LRFN5: variants seen among roughly 807,000 people sequenced by gnomAD.
LRFN5 encodes leucine-rich repeat and fibronectin type-III domain-containing protein 5.
Under a neutral mutation model 45.6 loss-of-function variants are expected in LRFN5, and 24 were observed. The observed-to-expected ratio is 0.53, with a 90% CI of 0.38 to 0.74. The LOEUF (loss-of-function observed/expected upper bound fraction) is 0.74, where lower values mean the gene tolerates loss of function less well. LRFN5 is among the 30% of genes least tolerant of loss of function. The pLI, the probability that LRFN5 is intolerant of heterozygous loss-of-function variation, is 0.00. For missense variants in LRFN5, 776 were observed against 861.5 expected (o/e 0.90, Z 1.24); for synonymous variants, 340 against 313.8 (o/e 1.08, Z -0.88).
At chr14:41,755,727 A>G (rs745361134) in intron 1 of LRFN5, among the ~76,000 whole-genome samples, 7 of 152,182 alleles carry the variant, frequency 4.6e-5, no homozygotes, top group Non-Finnish European at 8.8e-5. Flanking sequence ...CCAATTTGCC[A>G]GTCTGTGTCT....
chr14:41,896,416 A>T (rs889878292), intron 4 of LRFN5, among the ~76,000 whole-genome samples: 2 of 152,178 alleles, frequency 1.3e-5, no homozygotes, highest in African/African-American at 4.8e-5. Flanking sequence ...TTAACAATGT[A>T]TGCTTCTGTG....
Position 41,691,420 on chromosome 14 carries a change from A to G in LRFN5, c.-196-75434A>G, listed in dbSNP as rs556907538. Among the ~76,000 whole-genome samples the G allele has an allele frequency of 3.3e-5, 5 of 152,148 alleles. No individual in the cohort carries two copies. In the South Asian group the frequency reaches 1.0e-3, roughly 32 times the overall value. On this transcript the variant is annotated intron_variant, in intron 1 of 5. Coordinates refer to ENST00000298119, the MANE Select transcript of LRFN5 (RefSeq NM_152447.5). Reference sequence around the variant, plus strand: ...GTTGTCTGTTATTATTTCTAACTCAACTTTACAGTTGTCAGAAAACAAACT... The same window carrying G: ...GTTGTCTGTTATTATTTCTAACTCAGCTTTACAGTTGTCAGAAAACAAACT...
intron 1 of LRFN5, among the ~76,000 whole-genome samples, chr14:41,642,331 C>T (rs1422284841): frequency 6.6e-6 from 1 of 152,170 alleles, no homozygotes; most frequent in African/African-American, 2.4e-5. Context: ...CTGAATTCCA[C>T]TCTTTCTCAG....
chr14:41,889,716 A>T (rs562374400), intron 3 of LRFN5, among the ~76,000 whole-genome samples: 85 of 152,328 alleles, frequency 5.6e-4, no homozygotes, highest in Non-Finnish European at 1.1e-3. Flanking sequence ...CATTGTAAAG[A>T]TTAAATTTTA....
chr14:41,696,850 G>C (rs542426602), intron 1 of LRFN5, among the ~76,000 whole-genome samples: 1 of 151,868 alleles, frequency 6.6e-6, no homozygotes, highest in South Asian at 2.1e-4. Context: ...TGAACCTGTA[G>C]GCCATTTGTA....
At chr14:41,819,350 A>G (rs1214127693) in intron 2 of LRFN5, among the ~76,000 whole-genome samples, 1 of 152,252 alleles carries the variant, frequency 6.6e-6, no homozygotes, top group East Asian at 1.9e-4. Context: ...CCAATAATGT[A>G]TAAGTGTTCC....
At chr14:41,858,850 C>A (rs779071475) in intron 2 of LRFN5, among the ~76,000 whole-genome samples, 2 of 152,144 alleles carry the variant, frequency 1.3e-5, no homozygotes, top group Non-Finnish European at 2.9e-5. Flanking sequence ...GGCATTTCAT[C>A]TGGTTTACTC....
chr14:41,801,601 T>C (rs1373761738), intron 2 of LRFN5, among the ~76,000 whole-genome samples: 2 of 152,192 alleles, frequency 1.3e-5, no homozygotes, highest in Non-Finnish European at 2.9e-5. Context: ...TATGCCTGTT[T>C]ACTTCTCTAC....
intron 2 of LRFN5, among the ~76,000 whole-genome samples, chr14:41,810,431 C>T (rs1394024515): frequency 6.6e-6 from 1 of 151,992 alleles, no homozygotes. Flanking sequence ...TTCTAAAAGC[C>T]TTGCTAGTAA....
At chr14:41,803,939 C>T (rs1324567736) in intron 2 of LRFN5, among the ~76,000 whole-genome samples, 2 of 152,192 alleles carry the variant, frequency 1.3e-5, no homozygotes, top group African/African-American at 4.8e-5. Flanking sequence ...TCTAGGCTCA[C>T]TGCAACCTCT....
At chr14:41,797,252 A>G (rs982713713) in intron 2 of LRFN5, among the ~76,000 whole-genome samples, 1 of 151,760 alleles carries the variant, frequency 6.6e-6, no homozygotes, top group East Asian at 1.9e-4. Flanking sequence ...GAAATTATTT[A>G]TTTATTTGGG....
chr14:41,715,943 G>A (rs965976587), intron 1 of LRFN5, among the ~76,000 whole-genome samples: 17 of 151,428 alleles, frequency 1.1e-4, no homozygotes, highest in African/African-American at 3.4e-4. Flanking sequence ...GCATTCAGGC[G>A]TTTCCATACA....
intron 2 of LRFN5, among the ~76,000 whole-genome samples, chr14:41,853,524 T>G (rs1483359732): frequency 6.6e-6 from 1 of 152,046 alleles, no homozygotes; most frequent in Non-Finnish European, 1.5e-5. Flanking sequence ...TTTTAGTCCC[T>G]GAGATGGGGA....
chr14:41,648,538 A>T (rs574323367), intron 1 of LRFN5, among the ~76,000 whole-genome samples: 4 of 152,324 alleles, frequency 2.6e-5, no homozygotes, highest in Non-Finnish European at 5.9e-5. Flanking sequence ...AAAATACCTT[A>T]AAACATTAAA....
At chr14:41,615,202 T>C (rs1887890506) in intron 1 of LRFN5, among the ~76,000 whole-genome samples, 2 of 152,160 alleles carry the variant, frequency 1.3e-5, no homozygotes, top group African/African-American at 2.4e-5. Flanking sequence ...TGAGTAACTT[T>C]AGTGATTCCC....
At chr14:41,618,304 C>T (rs1400514302) in intron 1 of LRFN5, among the ~76,000 whole-genome samples, 1 of 152,188 alleles carries the variant, frequency 6.6e-6, no homozygotes, top group Non-Finnish European at 1.5e-5. Flanking sequence ...TGTTTCTCTT[C>T]TCTTTGAATC....
At chr14:41,807,731 G>A (rs1231555110) in intron 2 of LRFN5, among the ~76,000 whole-genome samples, 1 of 152,016 alleles carries the variant, frequency 6.6e-6, no homozygotes, top group Admixed American at 6.6e-5. Flanking sequence ...AGAAAGTATA[G>A]GTAGCAGTAG....
chr14:41,610,832 T>C (rs535486092), intron 1 of LRFN5, among the ~76,000 whole-genome samples: 107 of 152,020 alleles, frequency 7.0e-4, no homozygotes, highest in African/African-American at 2.6e-3. Context: ...TCAGAAAATC[T>C]TAGAAATCTG....
chr14:41,797,135 T>G (rs762514486), intron 2 of LRFN5, among the ~76,000 whole-genome samples: 4 of 151,920 alleles, frequency 2.6e-5, no homozygotes, highest in African/African-American at 7.2e-5. Flanking sequence ...TAATGTCTTA[T>G]GCAGAGAAAG....
Sources: gnomAD v4.1 joint callset for allele counts (sites outside exome capture counted in the v4.1 genomes callset) on GRCh38, gnomAD v4.1.1 for gene constraint, MANE v1.5 for transcripts, NCBI Gene and HGNC (gene_info 2026-07-23, HGNC 2026-07-21) for gene names.